The following SLC25A21 variants were observed in gnomAD, a reference collection of about 807,000 sequenced individuals.
The protein encoded by SLC25A21 is mitochondrial 2-oxodicarboxylate carrier.
SLC25A21 carries 47 observed loss-of-function variants against 43.8 expected under a neutral mutation model. The observed-to-expected ratio is 1.07, with a 90% CI of 0.85 to 1.37. The LOEUF is 1.37. SLC25A21 is among the 40% of genes most tolerant of loss of function. SLC25A21 has a pLI of 0.00. For missense variants in SLC25A21, 352 were observed against 350.2 expected, an observed-to-expected ratio of 1.00 and a Z score of -0.04; for synonymous variants, 131 against 121.3, an observed-to-expected ratio of 1.08 and a Z score of -0.52.
chr14:36,844,764 A>T (rs1446910135), intron 2 of SLC25A21, among the ~76,000 whole-genome samples: 1 of 152,186 alleles, frequency 6.6e-6, no homozygotes, highest in Non-Finnish European at 1.5e-5. Context: ...GTCATGCCGG[A>T]TCCTAATCCA....
intron 1 of SLC25A21, among the ~76,000 whole-genome samples, chr14:37,032,032 C>T (rs1339403060): frequency 6.6e-6 from 1 of 152,204 alleles, no homozygotes; most frequent in Admixed American, 6.5e-5. Flanking sequence ...AACTCAGTCA[C>T]AGCGTTTGCT....
intron 1 of SLC25A21, among the ~76,000 whole-genome samples, chr14:36,963,864 C>T (rs569121877): frequency 6.6e-6 from 1 of 152,204 alleles, no homozygotes; most frequent in South Asian, 2.1e-4. Context: ...TCAAAGTGCT[C>T]GGTAAAGAAT....
chr14:36,981,680 G>T (rs1310814594), intron 1 of SLC25A21, among the ~76,000 whole-genome samples: 1 of 152,110 alleles, frequency 6.6e-6, no homozygotes, highest in Non-Finnish European at 1.5e-5. Context: ...ACACACTGGG[G>T]CCTGTCGTGG....
chr14:37,093,126 A>T (rs531981461), intron 1 of SLC25A21, among the ~76,000 whole-genome samples: 18 of 152,336 alleles, frequency 1.2e-4, no homozygotes, highest in African/African-American at 4.1e-4. Context: ...CCAGAGCAAG[A>T]TTAGCTAAGA....
intron 1 of SLC25A21, among the ~76,000 whole-genome samples, chr14:37,126,546 T>C (rs1461358111): frequency 6.6e-6 from 1 of 151,982 alleles, no homozygotes; most frequent in African/African-American, 2.4e-5. Flanking sequence ...GAAAGACATT[T>C]GTTACAAGGA....
intron 1 of SLC25A21, among the ~76,000 whole-genome samples, chr14:36,961,244 C>T (rs1959485715): frequency 6.7e-6 from 1 of 149,984 alleles, no homozygotes; most frequent in African/African-American, 2.5e-5. Flanking sequence ...CGGAGCCTCG[C>T]TCTGTCGCCC....
rs781588621 is a variant in SLC25A21 at position 37,065,442 on chromosome 14, T to C, written c.70+106839A>G. ...TATTTTGGCTCAAGACATCTGTCAA[T>C]TGTAGACCTCTCAGGCTGAGAAGAA... On this transcript the variant is annotated intron_variant, in intron 1 of 9. Coordinates refer to ENST00000331299, the MANE Select transcript of SLC25A21 (RefSeq NM_030631.4). 1.2e-4 allele frequency among the ~76,000 whole-genome samples: 18 copies of C among 152,332 alleles called. 1 individual carries two copies. The South Asian group carries it at 2.1e-3, about 18-fold the overall frequency.
intron 3 of SLC25A21, among the ~76,000 whole-genome samples, chr14:36,735,812 C>CTT (rs58500416): frequency 5.3e-5 from 7 of 131,682 alleles, no homozygotes; most frequent in South Asian, 2.5e-4. Context: ...TCCCAGAATC[C>CTT]TTTTTTTTTT....
At chr14:37,033,272 ATGT>A (rs1273061435) in intron 1 of SLC25A21, among the ~76,000 whole-genome samples, 3 of 152,226 alleles carry the variant, frequency 2.0e-5, no homozygotes, top group Non-Finnish European at 4.4e-5. Flanking sequence ...AGGTTAATCC[ATGT>A]TGTAGCACAT....
chr14:36,896,109 C>A (rs1393886331), intron 1 of SLC25A21, among the ~76,000 whole-genome samples: 1 of 152,140 alleles, frequency 6.6e-6, no homozygotes, highest in Non-Finnish European at 1.5e-5. Context: ...AACTTTCTGT[C>A]TCGTTGATCT....
chr14:36,891,845 G>A (rs1004090817), intron 1 of SLC25A21, among the ~76,000 whole-genome samples: 16 of 152,142 alleles, frequency 1.1e-4, no homozygotes, highest in Non-Finnish European at 4.4e-5. Context: ...AAATGACAAA[G>A]AATAGTCTAG....
At chr14:36,807,191 T>C (rs905503829) in intron 3 of SLC25A21, 6 of 152,250 alleles carry the variant, frequency 3.9e-5, no homozygotes, top group African/African-American at 1.4e-4. Context: ...GAGATGTAGA[T>C]CTCATCTGAG....
intron 1 of SLC25A21, among the ~76,000 whole-genome samples, chr14:37,102,823 T>TA (rs1962842150): frequency 6.6e-6 from 1 of 151,550 alleles, no homozygotes; most frequent in Non-Finnish European, 1.5e-5. Flanking sequence ...CTGTCTCTAC[T>TA]AAAAATACAA....
At chr14:37,017,983 C>A (rs1202159252) in intron 1 of SLC25A21, among the ~76,000 whole-genome samples, 1 of 151,650 alleles carries the variant, frequency 6.6e-6, no homozygotes, top group African/African-American at 2.4e-5. Context: ...TGGAATCTGT[C>A]TTACAGAAAT....
intron 1 of SLC25A21, among the ~76,000 whole-genome samples, chr14:36,930,799 G>C (rs746315548): frequency 1.3e-5 from 2 of 152,040 alleles, no homozygotes; most frequent in Non-Finnish European, 2.9e-5. Context: ...TACCTCTCAA[G>C]TGTCATCCCC....
At chr14:37,066,155 C>T (rs186200596) in intron 1 of SLC25A21, among the ~76,000 whole-genome samples, 3 of 152,140 alleles carry the variant, frequency 2.0e-5, no homozygotes, top group South Asian at 2.1e-4. Flanking sequence ...ATATGACACT[C>T]GGAGAAAAAT....
At chr14:36,998,478 C>A (rs563709301) in intron 1 of SLC25A21, among the ~76,000 whole-genome samples, 10 of 152,214 alleles carry the variant, frequency 6.6e-5, no homozygotes, top group South Asian at 4.1e-4. Flanking sequence ...CTTGGAACAG[C>A]TTGCCATTAA....
intron 1 of SLC25A21, among the ~76,000 whole-genome samples, chr14:37,103,973 G>A (rs1466281313): frequency 6.6e-6 from 1 of 152,188 alleles, no homozygotes; most frequent in Non-Finnish European, 1.5e-5. Flanking sequence ...TAGAGCACAT[G>A]CAGAAAGAAG....
intron 1 of SLC25A21, among the ~76,000 whole-genome samples, chr14:37,025,061 A>T (rs555815520): frequency 1.8e-4 from 28 of 151,424 alleles, no homozygotes; most frequent in South Asian, 8.3e-4. Context: ...GTATCTTTTT[A>T]AAAAAAAATA....
Sources: gnomAD v4.1 joint callset for allele counts (sites outside exome capture counted in the v4.1 genomes callset) on GRCh38, gnomAD v4.1.1 for gene constraint, MANE v1.5 for transcripts, NCBI Gene and HGNC (gene_info 2026-07-23, HGNC 2026-07-21) for gene names.